FGD4: variants seen among roughly 807,000 people sequenced by gnomAD.
FGD4 encodes FYVE, RhoGEF and PH domain containing 4.
A neutral mutation model predicts 102.0 loss-of-function variants in FGD4; 42 were observed. The observed-to-expected ratio is 0.41, with a 90% CI of 0.32 to 0.53. The LOEUF is 0.53. Ranked by LOEUF, FGD4 falls within the 20% of genes least tolerant of loss-of-function variation. The pLI, the probability that FGD4 is intolerant of heterozygous loss-of-function variation, is 0.21. For synonymous variants in FGD4, 380 were observed against 375.7 expected, an observed-to-expected ratio of 1.01 and a Z score of -0.13; for missense variants, 902 against 1,078.2, an observed-to-expected ratio of 0.84 and a Z score of 2.29.
At chr12:32,434,773 A>G (rs1942167052) in intron 1 of FGD4, among the ~76,000 whole-genome samples, 1 of 151,974 alleles carries the variant, frequency 6.6e-6, no homozygotes, top group East Asian at 1.9e-4. Flanking sequence ...ATTCTGATGC[A>G]AAAATCTACA....
intron 1 of FGD4, among the ~76,000 whole-genome samples, chr12:32,559,560 T>C (rs981655644): frequency 1.3e-5 from 2 of 152,264 alleles, no homozygotes; most frequent in African/African-American, 4.8e-5. Context: ...AATGTTGATC[T>C]AATTGCCTCT....
intron 1 of FGD4, among the ~76,000 whole-genome samples, chr12:32,554,588 A>G (rs1239344661): frequency 6.6e-6 from 1 of 152,238 alleles, no homozygotes; most frequent in Non-Finnish European, 1.5e-5. Context: ...CTGACAATAA[A>G]CAATAAAAAA....
chr12:32,463,660 AG>A (rs1411430536), intron 1 of FGD4, among the ~76,000 whole-genome samples: 2 of 152,188 alleles, frequency 1.3e-5, no homozygotes, highest in Non-Finnish European at 2.9e-5. Flanking sequence ...CCTGTGAAAT[AG>A]GGGGAGCAGG....
chr12:32,627,140 T>A (rs1172236133), intron 14 of FGD4, among the ~76,000 whole-genome samples: 1 of 144,302 alleles, frequency 6.9e-6, no homozygotes, highest in Non-Finnish European at 1.5e-5. Context: ...AGCCACCACG[T>A]CCGGCTAAAT....
intron 1 of FGD4, among the ~76,000 whole-genome samples, chr12:32,531,975 A>G (rs11052055): frequency 0.18 from 27,948 of 152,112 alleles, 3,136 homozygotes; most frequent in Middle Eastern, 0.34. Context: ...TCTCCTGCAA[A>G]CCATGTTTTG....
At chr12:32,486,099 C>T in intron 1 of FGD4, 2 of 1,526,678 alleles carry the variant, frequency 1.3e-6, no homozygotes, top group Non-Finnish European at 8.7e-7. Flanking sequence ...ATAGGTTAAT[C>T]AGAAGATTGC....
chr12:32,479,619 G>C (rs1358877155), intron 1 of FGD4, among the ~76,000 whole-genome samples: 2 of 149,060 alleles, frequency 1.3e-5, no homozygotes, highest in African/African-American at 4.9e-5. Flanking sequence ...TCACTGCTAG[G>C]CTAATTAAAT....
chr12:32,494,039 A>G (rs1014771249), intron 1 of FGD4, among the ~76,000 whole-genome samples: 7 of 152,128 alleles, frequency 4.6e-5, no homozygotes, highest in Non-Finnish European at 1.5e-5. Flanking sequence ...TTTTGTAGTC[A>G]AACTTCGTCA....
At chr12:32,619,626 T>A (rs1339917574) in intron 10 of FGD4, 72 bp from the exon 11 acceptor site, 13 of 1,537,872 alleles carry the variant, frequency 8.5e-6, no homozygotes, top group Non-Finnish European at 1.2e-5. Context: ...AGTGAGACTC[T>A]GTCTCAAAAA....
chr12:32,606,579 T>G (rs191040652), intron 7 of FGD4, among the ~76,000 whole-genome samples: 2 of 152,200 alleles, frequency 1.3e-5, no homozygotes, highest in East Asian at 3.9e-4. Flanking sequence ...CCCTAGTCTG[T>G]CTTTTTCTTC....
chr12:32,618,677 T>A (rs542113682), intron 10 of FGD4, among the ~76,000 whole-genome samples: 14 of 151,918 alleles, frequency 9.2e-5, no homozygotes, highest in African/African-American at 2.9e-4. Context: ...ACAAAAAAAA[T>A]TTTTTAATTG....
At chr12:32,599,828 G>A (rs1163200107) in intron 5 of FGD4, among the ~76,000 whole-genome samples, 2 of 151,796 alleles carry the variant, frequency 1.3e-5, no homozygotes, top group African/African-American at 4.8e-5. Context: ...GATTACAGGC[G>A]TGAGCCACCA....
At chr12:32,597,686 A>G (rs1565887146) in intron 4 of FGD4, among the ~76,000 whole-genome samples, 2 of 152,240 alleles carry the variant, frequency 1.3e-5, no homozygotes, top group African/African-American at 2.4e-5. Context: ...GCAGAGTTAT[A>G]TAAGTATATT....
chr12:32,432,303 G>A (rs1296742169), intron 1 of FGD4, among the ~76,000 whole-genome samples: 1 of 150,808 alleles, frequency 6.6e-6, no homozygotes, highest in Non-Finnish European at 1.5e-5. Context: ...CTCGTGATCC[G>A]CCTGCCTCGG....
chr12:32,596,026 G>A (rs182658173), intron 4 of FGD4, among the ~76,000 whole-genome samples: 29 of 152,120 alleles, frequency 1.9e-4, no homozygotes, highest in Non-Finnish European at 8.8e-5. Context: ...GCATTTATAC[G>A]CAGTTTAAAA....
rs376056219 is a variant in FGD4 at position 32,502,059 on chromosome 12, G to A, written c.167-62078G>A. The A allele has an allele frequency of 1.3e-5, 13 of 985,444 alleles. No individual in the cohort carries two copies. The South Asian group carries it at 4.2e-4, about 32-fold the overall frequency. 61.0% of individuals were successfully genotyped at this position (985,444 alleles called of 1,614,324 possible). A position where few individuals can be genotyped will look rare whatever the true frequency, so the allele number is the denominator to read the frequency against. Reference sequence around the variant, plus strand: ...TGCAAGGCTGGAGCACAAAGACAGCGATTGTTACCCAATAAGCAGTAGTCA... The same window carrying A: ...TGCAAGGCTGGAGCACAAAGACAGCAATTGTTACCCAATAAGCAGTAGTCA... On this transcript the variant is annotated intron_variant, in intron 1 of 16. Coordinates refer to ENST00000534526, the MANE Select transcript of FGD4 (RefSeq NM_001370298.3).
chr12:32,597,702 C>T (rs1170358866), intron 4 of FGD4, among the ~76,000 whole-genome samples: 1 of 151,940 alleles, frequency 6.6e-6, no homozygotes, highest in African/African-American at 2.4e-5. Flanking sequence ...ATATTTAAGG[C>T]TTAAATAAAT....
chr12:32,436,773 C>A (rs1454162122), intron 1 of FGD4, among the ~76,000 whole-genome samples: 3 of 152,122 alleles, frequency 2.0e-5, no homozygotes, highest in African/African-American at 7.2e-5. Context: ...CATGTTTGAA[C>A]CACACAGTGA....
intron 1 of FGD4, among the ~76,000 whole-genome samples, chr12:32,522,776 G>GGT (rs1046067162): frequency 4.6e-5 from 7 of 152,326 alleles, no homozygotes; most frequent in Middle Eastern, 3.4e-3. Context: ...AGAGATGAGG[G>GGT]GTAGAGCCTT....
Sources: allele counts gnomAD v4.1 joint callset (sites outside exome capture counted in the v4.1 genomes callset), GRCh38; gene constraint gnomAD v4.1.1; transcripts MANE v1.5; gene names NCBI Gene and HGNC (gene_info 2026-07-23, HGNC 2026-07-21).